The following NDUFA9 variants were observed in gnomAD, a reference collection of about 807,000 sequenced individuals.
NDUFA9 encodes NADH dehydrogenase [ubiquinone] 1 alpha subcomplex subunit 9, mitochondrial.
A neutral mutation model predicts 45.9 loss-of-function variants in NDUFA9; 23 were observed. The ratio of observed to expected loss-of-function variants is 0.50; its 90% confidence interval spans 0.36 to 0.71. NDUFA9 has a LOEUF of 0.71. NDUFA9 is among the 30% of genes least tolerant of loss of function. NDUFA9 has a pLI of 0.00. For missense variants in NDUFA9, 466 were observed against 488.2 expected, an observed-to-expected ratio of 0.95 and a Z score of 0.43; for synonymous variants, 176 against 170.5, an observed-to-expected ratio of 1.03 and a Z score of -0.25.
intron 3 of NDUFA9, chr12:4,655,765 G>A (rs1945786400): frequency 6.6e-6 from 1 of 152,186 alleles, no homozygotes; most frequent in Admixed American, 6.5e-5. Context: ...AATGCGGTGA[G>A]GCAGGGGAAA....
At chr12:4,667,439 T>A (rs1051149178) in intron 6 of NDUFA9, 1 of 165,566 alleles carries the variant, frequency 6.0e-6, no homozygotes. Flanking sequence ...AGCATATGTG[T>A]CTTTTGCCAC....
intron 1 of NDUFA9, among the ~76,000 whole-genome samples, chr12:4,650,486 T>G (rs915983372): frequency 1.3e-5 from 2 of 152,260 alleles, no homozygotes; most frequent in Admixed American, 6.5e-5. Flanking sequence ...TCTTTTAACT[T>G]ACTTTCCTCT....
intron 8 of NDUFA9, among the ~76,000 whole-genome samples, chr12:4,674,291 A>G (rs952690058): frequency 3.3e-5 from 5 of 152,196 alleles, no homozygotes; most frequent in African/African-American, 9.7e-5. Context: ...TAGCATCATA[A>G]TGGCAGGATC....
rs1164472260 is a variant in NDUFA9 at position 4,693,861 on chromosome 12, C to T, written c.*6753C>T. 2.6e-5 allele frequency: 4 copies of T among 152,128 alleles called. No homozygotes were observed. The highest frequency in any genetic ancestry group is 7.2e-5 in the African/African-American group (3 of 41,408). 9.4% of individuals were successfully genotyped at this position (152,128 alleles called of 1,614,324 possible). Reference sequence around the variant, plus strand: ...GGGAATCGAGATTATCTAGTTTCCCCTCGACATTTTATAACTGAATAAACA... The same window carrying T: ...GGGAATCGAGATTATCTAGTTTCCCTTCGACATTTTATAACTGAATAAACA... On this transcript the variant is annotated 3_prime_UTR_variant, in exon 11 of 11. Coordinates refer to ENST00000266544, the MANE Select transcript of NDUFA9 (RefSeq NM_005002.5).
At chr12:4,672,359 G>A (rs899791935) in intron 8 of NDUFA9, among the ~76,000 whole-genome samples, 1 of 152,146 alleles carries the variant, frequency 6.6e-6, no homozygotes, top group African/African-American at 2.4e-5. Context: ...TATCCCAGTG[G>A]CACCTGGAAC....
chr12:4,693,320 A>C lies in NDUFA9; in HGVS notation c.*6212A>C, dbSNP rs1030375696. 2 of 152,064 alleles carry C rather than the reference A, an allele frequency of 1.3e-5. No individual in the cohort carries two copies. The highest frequency in any genetic ancestry group is 2.9e-5 in the Non-Finnish European group (2 of 68,030). The allele number at this position is 152,064 out of a possible 1,614,324, so 9.4% of individuals were successfully genotyped here. Reference sequence around the variant, plus strand: ...AGGTAATAATTTTAATTCTATAATAAAATCTCAAGTTATAATAGGCTCAAT... The same window carrying C: ...AGGTAATAATTTTAATTCTATAATACAATCTCAAGTTATAATAGGCTCAAT... On this transcript the variant is annotated 3_prime_UTR_variant, in exon 11 of 11. Coordinates refer to ENST00000266544, the MANE Select transcript of NDUFA9 (RefSeq NM_005002.5).
intron 8 of NDUFA9, among the ~76,000 whole-genome samples, chr12:4,681,262 A>G (rs986208012): frequency 2.6e-5 from 4 of 152,300 alleles, no homozygotes; most frequent in African/African-American, 9.6e-5. Context: ...GTTAAATTAA[A>G]CAGTTAAAAT....
At position 4,654,807 on chromosome 12, in the gene NDUFA9, C is replaced by T; in HGVS notation, c.221-18C>T. Reference sequence around the variant, plus strand: ...ATTATGTTAATGTTGATCCTTTTTTCAATCCATTCTCTTTTAGGACGCATG... The same window carrying T: ...ATTATGTTAATGTTGATCCTTTTTTTAATCCATTCTCTTTTAGGACGCATG... On this transcript the variant is annotated intron_variant, in intron 2 of 10. Transcript: ENST00000266544. 6.4e-7 allele frequency: 1 copy of T among 1,561,608 alleles called. No individual in the cohort carries two copies. Among genetic ancestry groups the T allele is most frequent in the South Asian group, 1.2e-5 (1 of 85,312 alleles).
chr12:4,680,442 A>G (rs968293705), intron 8 of NDUFA9, among the ~76,000 whole-genome samples: 5 of 152,106 alleles, frequency 3.3e-5, no homozygotes, highest in African/African-American at 1.2e-4. Flanking sequence ...TGAGCCTTGA[A>G]ATCTAAGCTG....
intron 6 of NDUFA9, among the ~76,000 whole-genome samples, chr12:4,663,221 G>A (rs971825908): frequency 6.6e-6 from 1 of 151,822 alleles, no homozygotes; most frequent in Non-Finnish European, 1.5e-5. Context: ...TTGGATATTG[G>A]TTTATCCAAT....
chr12:4,661,461 G>A (rs1201485892), intron 5 of NDUFA9, among the ~76,000 whole-genome samples: 1 of 152,066 alleles, frequency 6.6e-6, no homozygotes, highest in Non-Finnish European at 1.5e-5. Context: ...CCAATTCATG[G>A]TTTTTATTGA....
chr12:4,650,679 A>G (rs953131643), intron 1 of NDUFA9, among the ~76,000 whole-genome samples: 2 of 152,224 alleles, frequency 1.3e-5, no homozygotes, highest in African/African-American at 4.8e-5. Context: ...ACAGGAAATC[A>G]TAAAAGGGAA....
chr12:4,677,645 A>G (rs574104601), intron 8 of NDUFA9, among the ~76,000 whole-genome samples: 5 of 152,326 alleles, frequency 3.3e-5, no homozygotes, highest in Admixed American at 6.5e-5. Context: ...TCAGGAAACA[A>G]CAGATGCTGG....
At chr12:4,657,038 C>T (rs1945794547) in intron 3 of NDUFA9, 1 of 152,116 alleles carries the variant, frequency 6.6e-6, no homozygotes, top group East Asian at 1.9e-4. Context: ...TCTCTTTTCC[C>T]TTCTTGCTCT....
intron 10 of NDUFA9, among the ~76,000 whole-genome samples, chr12:4,686,423 TG>T (rs1257513583): frequency 6.9e-6 from 1 of 144,656 alleles, no homozygotes; most frequent in African/African-American, 2.5e-5. Flanking sequence ...AAAAGTTACT[TG>T]TTTTTTTTTT....
chr12:4,667,512 C>CTTT, intron 6 of NDUFA9: 60 of 156,898 alleles, frequency 3.8e-4, no homozygotes, highest in Middle Eastern at 2.7e-3. Context: ...AATTTCTACT[C>CTTT]TTTTTTTTTT....
intron 6 of NDUFA9, among the ~76,000 whole-genome samples, chr12:4,665,998 T>G (rs1284517366): frequency 6.6e-6 from 1 of 152,084 alleles, no homozygotes; most frequent in Non-Finnish European, 1.5e-5. Flanking sequence ...TAGAGACAGG[T>G]CTTGCTCTCT....
At chr12:4,662,506 A>G (rs763787589) in intron 5 of NDUFA9, 27 bp from the exon 6 acceptor site, 6 of 1,573,778 alleles carry the variant, frequency 3.8e-6, no homozygotes, top group South Asian at 1.1e-5. Context: ...TCTAAACTCA[A>G]AACAGGTTTG....
At chr12:4,682,662 A>G (rs1224357662) in intron 9 of NDUFA9, among the ~76,000 whole-genome samples, 1 of 152,202 alleles carries the variant, frequency 6.6e-6, no homozygotes. Flanking sequence ...TTATTAAATC[A>G]ACCTGATCAT....
Sources: gnomAD v4.1 joint callset for allele counts (sites outside exome capture counted in the v4.1 genomes callset) on GRCh38, gnomAD v4.1.1 for gene constraint, MANE v1.5 for transcripts, NCBI Gene and HGNC (gene_info 2026-07-23, HGNC 2026-07-21) for gene names.